Variants in MAML3 observed in about 807,000 individuals in gnomAD.
MAML3 encodes mastermind-like protein 3.
Under a neutral mutation model 101.9 loss-of-function variants are expected in MAML3, and 27 were observed. The observed-to-expected ratio is 0.27, with a 90% CI of 0.20 to 0.37. The LOEUF (loss-of-function observed/expected upper bound fraction) is 0.37. Ranked by LOEUF, MAML3 falls within the 10% of genes least tolerant of loss-of-function variation. The pLI, the probability that MAML3 is intolerant of heterozygous loss-of-function variation, is 1.00. For missense variants in MAML3, 1,316 were observed against 1,444.9 expected, an observed-to-expected ratio of 0.91 and a Z score of 1.45; for synonymous variants, 501 against 555.9, an observed-to-expected ratio of 0.90 and a Z score of 1.39.
chr4:139,926,737 A>G (rs1443355584), intron 1 of MAML3, among the ~76,000 whole-genome samples: 1 of 152,252 alleles, frequency 6.6e-6, no homozygotes, highest in Non-Finnish European at 1.5e-5. Context: ...CAAAGCTTGT[A>G]TTCTTCACAC....
intron 2 of MAML3, chr4:139,889,041 T>G: frequency 2.2e-6 from 1 of 457,772 alleles, no homozygotes; most frequent in Non-Finnish European, 4.2e-6. Context: ...GGTAGTGCCG[T>G]GTTTGGTGGA....
At chr4:139,836,453 A>C (rs550367536) in intron 2 of MAML3, among the ~76,000 whole-genome samples, 1 of 152,308 alleles carries the variant, frequency 6.6e-6, no homozygotes, top group South Asian at 2.1e-4. Flanking sequence ...ATACCCTCAG[A>C]GGGTTGTTAT....
At chr4:139,952,410 G>A (rs535111032) in intron 1 of MAML3, among the ~76,000 whole-genome samples, 48 of 152,254 alleles carry the variant, frequency 3.2e-4, no homozygotes, top group African/African-American at 1.0e-3. Flanking sequence ...AGGGACAAAA[G>A]CTGAACTTAA....
chr4:139,741,610 G>A (rs1729166886), intron 2 of MAML3, among the ~76,000 whole-genome samples: 1 of 152,094 alleles, frequency 6.6e-6, no homozygotes, highest in Non-Finnish European at 1.5e-5. Flanking sequence ...AGCTGGGCAT[G>A]GTGGTGTGCA....
At chr4:139,801,650 GTGTGT>G (rs1730609801) in intron 2 of MAML3, among the ~76,000 whole-genome samples, 1 of 17,140 alleles carries the variant, frequency 5.8e-5, no homozygotes, top group African/African-American at 1.3e-4. Context: ...GTGGGTGTGT[GTGTGT>G]GTGTGTGTGT....
intron 2 of MAML3, among the ~76,000 whole-genome samples, chr4:139,737,793 G>A (rs559586594): frequency 6.6e-6 from 1 of 152,150 alleles, no homozygotes; most frequent in Non-Finnish European, 1.5e-5. Context: ...TTGGAGAGGT[G>A]TTTACAATAA....
At chr4:139,942,425 T>C (rs977437677) in intron 1 of MAML3, among the ~76,000 whole-genome samples, 21 of 152,258 alleles carry the variant, frequency 1.4e-4, no homozygotes, top group Middle Eastern at 3.4e-3. Context: ...TGGAACCACT[T>C]TGTGATTACT....
At chr4:140,150,757 G>A (rs1006749345) in intron 1 of MAML3, among the ~76,000 whole-genome samples, 1 of 152,210 alleles carries the variant, frequency 6.6e-6, no homozygotes, top group Admixed American at 6.5e-5. Context: ...GGGCGCTAGG[G>A]GGGCGGGGGC....
chr4:139,730,794 G>GGAAT, intron 2 of MAML3, 127 bp from the exon 3 acceptor site: 1 of 801,398 alleles, frequency 1.2e-6, no homozygotes, highest in Non-Finnish European at 2.0e-6. Context: ...GTTTTTGAGT[G>GGAAT]GCACGCATTG....
At chr4:139,742,762 G>A (rs775377836) in intron 2 of MAML3, among the ~76,000 whole-genome samples, 12 of 152,142 alleles carry the variant, frequency 7.9e-5, no homozygotes, top group African/African-American at 2.9e-4. Context: ...TACGTCTTGT[G>A]TTTATCCTGT....
intron 1 of MAML3, among the ~76,000 whole-genome samples, chr4:140,055,501 C>T (rs577583280): frequency 5.9e-5 from 9 of 152,284 alleles, no homozygotes; most frequent in South Asian, 2.1e-4. Context: ...GCTGCCTGGA[C>T]GACAACATGT....
At chr4:140,109,381 G>A (rs1296806815) in intron 1 of MAML3, among the ~76,000 whole-genome samples, 1 of 152,106 alleles carries the variant, frequency 6.6e-6, no homozygotes, top group Admixed American at 6.5e-5. Flanking sequence ...GGTGCTCTCT[G>A]GAAAAAGGAG....
intron 2 of MAML3, among the ~76,000 whole-genome samples, chr4:139,770,063 G>T (rs1297434790): frequency 6.6e-6 from 1 of 152,038 alleles, no homozygotes; most frequent in Non-Finnish European, 1.5e-5. Flanking sequence ...GGGACCACAG[G>T]TGTATACTAC....
intron 1 of MAML3, among the ~76,000 whole-genome samples, chr4:139,980,015 C>G (rs2110807577): frequency 6.6e-6 from 1 of 152,242 alleles, no homozygotes; most frequent in South Asian, 2.1e-4. Flanking sequence ...GCTATTTTCT[C>G]TCTGGACTAT....
chr4:139,907,540 T>G (rs556817781), intron 1 of MAML3, among the ~76,000 whole-genome samples: 2 of 152,360 alleles, frequency 1.3e-5, no homozygotes, highest in East Asian at 3.8e-4. Flanking sequence ...ATCACAATTA[T>G]CTTTTATAAA....
At chr4:139,747,220 C>T (rs7678266) in intron 2 of MAML3, among the ~76,000 whole-genome samples, 78,258 of 152,018 alleles carry the variant, frequency 0.51, 20,816 homozygotes, top group East Asian at 0.74. Context: ...AAATCCACAC[C>T]TTCTGCATCA....
intron 1 of MAML3, among the ~76,000 whole-genome samples, chr4:139,976,737 CTTAA>C (rs1158074925): frequency 6.6e-6 from 1 of 152,174 alleles, no homozygotes; most frequent in South Asian, 2.1e-4. Flanking sequence ...GAGGCATTTG[CTTAA>C]TTAAGTTTGA....
At chr4:140,054,197 C>T (rs1407535546) in intron 1 of MAML3, among the ~76,000 whole-genome samples, 2 of 151,852 alleles carry the variant, frequency 1.3e-5, no homozygotes, top group Non-Finnish European at 2.9e-5. Flanking sequence ...TGGTGAAACC[C>T]CATTTCTACT....
intron 2 of MAML3, among the ~76,000 whole-genome samples, chr4:139,746,950 A>G (rs528006519): frequency 6.6e-6 from 1 of 152,242 alleles, no homozygotes; most frequent in East Asian, 1.9e-4. Flanking sequence ...TCGGGGGTTC[A>G]TCTTAAGAAA....
Sources: allele counts gnomAD v4.1 joint callset (sites outside exome capture counted in the v4.1 genomes callset), GRCh38; gene constraint gnomAD v4.1.1; transcripts MANE v1.5; gene names NCBI Gene and HGNC (gene_info 2026-07-23, HGNC 2026-07-21).